Variants in CD86 observed in about 807,000 individuals in gnomAD.
CD86 encodes CD86 molecule, also known as T-lymphocyte activation antigen CD86.
CD86 carries 11 observed loss-of-function variants against 32.1 expected under a neutral mutation model. The observed-to-expected ratio is 0.34, with a 90% CI of 0.22 to 0.57. The LOEUF is 0.57. Among genes scored for constraint, CD86 ranks in the 20% least tolerant of loss-of-function variants. The pLI, the probability that CD86 is intolerant of heterozygous loss-of-function variation, is 0.86. For missense variants in CD86, 359 were observed against 398.4 expected (o/e 0.90, Z 0.84); for synonymous variants, 137 against 135.3 (o/e 1.01, Z -0.09).
intron 1 of CD86, among the ~76,000 whole-genome samples, chr3:122,056,485 C>T (rs2072238919): frequency 1.3e-5 from 2 of 152,160 alleles, no homozygotes; most frequent in Admixed American, 6.5e-5. Context: ...CAGGCGCCCA[C>T]CACCACGCCC....
At chr3:122,072,408 T>A (rs897472820) in intron 1 of CD86, among the ~76,000 whole-genome samples, 3 of 152,006 alleles carry the variant, frequency 2.0e-5, no homozygotes, top group African/African-American at 7.3e-5. Flanking sequence ...CCTGACTTTT[T>A]AATGATTGCC....
intron 2 of CD86, among the ~76,000 whole-genome samples, chr3:122,098,367 C>T (rs527520024): frequency 2.6e-5 from 4 of 152,228 alleles, no homozygotes; most frequent in African/African-American, 9.6e-5. Context: ...ACAGAGGGAA[C>T]AACATGAGAA....
chr3:122,108,894 A>C (rs1213093593), intron 4 of CD86, among the ~76,000 whole-genome samples: 1 of 152,176 alleles, frequency 6.6e-6, no homozygotes. Flanking sequence ...CTGACTGCAG[A>C]GGGGGGCAGG....
At chr3:122,105,330 G>C (rs1442662659) in intron 3 of CD86, among the ~76,000 whole-genome samples, 1 of 152,222 alleles carries the variant, frequency 6.6e-6, no homozygotes, top group East Asian at 1.9e-4. Context: ...ACTCCAAGAA[G>C]ACTGCTCAAA....
chr3:122,090,571 C>T (rs2072799813), intron 1 of CD86, among the ~76,000 whole-genome samples: 1 of 152,116 alleles, frequency 6.6e-6, no homozygotes, highest in African/African-American at 2.4e-5. Flanking sequence ...GTATCATATT[C>T]CTGTATTTGG....
intron 1 of CD86, among the ~76,000 whole-genome samples, chr3:122,086,059 C>T (rs1383833649): frequency 6.6e-6 from 1 of 152,032 alleles, no homozygotes; most frequent in Admixed American, 6.6e-5. Context: ...CCACACTGGC[C>T]CTGGAGCCTG....
intron 1 of CD86, among the ~76,000 whole-genome samples, chr3:122,062,845 T>C (rs1420271850): frequency 6.6e-6 from 1 of 152,228 alleles, no homozygotes; most frequent in Non-Finnish European, 1.5e-5. Context: ...AGGACTCACA[T>C]TCTTTGCTTT....
At chr3:122,104,456 A>AT (rs903928374) in intron 3 of CD86, among the ~76,000 whole-genome samples, 3 of 152,248 alleles carry the variant, frequency 2.0e-5, no homozygotes, top group East Asian at 1.9e-4. Flanking sequence ...GCCACTACAG[A>AT]TTTTTTTAAA....
intron 3 of CD86, among the ~76,000 whole-genome samples, chr3:122,105,712 C>T (rs912819314): frequency 3.9e-5 from 6 of 152,094 alleles, no homozygotes; most frequent in African/African-American, 1.4e-4. Flanking sequence ...ACTCACTTAC[C>T]ACAATCCTGC....
intron 1 of CD86, among the ~76,000 whole-genome samples, chr3:122,072,787 A>G (rs993108077): frequency 4.9e-4 from 75 of 152,062 alleles, no homozygotes; most frequent in Non-Finnish European, 5.0e-4. Flanking sequence ...TTGGTGTTTT[A>G]GACATGAAGT....
intron 1 of CD86, among the ~76,000 whole-genome samples, chr3:122,075,365 T>C (rs915876295): frequency 6.6e-6 from 1 of 152,130 alleles, no homozygotes; most frequent in African/African-American, 2.4e-5. Flanking sequence ...ATTTACAAAA[T>C]CAGCTTTCAG....
chr3:122,057,199 C>T (rs1343655946), intron 1 of CD86, among the ~76,000 whole-genome samples: 2 of 152,140 alleles, frequency 1.3e-5, no homozygotes, highest in African/African-American at 2.4e-5. Flanking sequence ...TGATACATAT[C>T]AAAAGCCTTT....
chr3:122,105,050 G>C (rs1056574530), intron 3 of CD86, among the ~76,000 whole-genome samples: 1 of 152,180 alleles, frequency 6.6e-6, no homozygotes, highest in Admixed American at 6.5e-5. Context: ...AAATAGAATG[G>C]AGAGCTGCTC....
rs183330463 is a variant in CD86, at chr3:122,105,786, A to G, written c.401-412A>G. ...CCATGAACTCTGTCAGTTCCTGGTG[A>G]GACTCCAGCTCAATTCCTTCCTGCT... On this transcript the variant is annotated intron_variant, in intron 3 of 6. Coordinates refer to ENST00000330540, the MANE Select transcript of CD86 (RefSeq NM_175862.5). 5.3e-5 allele frequency among the ~76,000 whole-genome samples: 8 copies of G among 152,162 alleles called. No homozygotes were observed. The East Asian group carries it at 5.8e-4, about 11-fold the overall frequency.
intron 2 of CD86, among the ~76,000 whole-genome samples, chr3:122,094,635 G>A (rs1412479839): frequency 6.6e-6 from 1 of 152,138 alleles, no homozygotes. Flanking sequence ...GATGCAATTG[G>A]CCCACATAAT....
At chr3:122,083,647 A>G (rs1401724797) in intron 1 of CD86, among the ~76,000 whole-genome samples, 2 of 152,282 alleles carry the variant, frequency 1.3e-5, no homozygotes, top group African/African-American at 2.4e-5. Flanking sequence ...CATGCCATCA[A>G]TTGATATCAC....
In CD86 at chr3:122,103,765, C is replaced by G. The variant is rs1259699017; in HGVS notation, c.318C>G (p.Gly106=). 21 of 1,613,990 alleles carry G rather than the reference C, an allele frequency of 1.3e-5. No homozygotes were observed. The highest frequency in any genetic ancestry group is 1.8e-5 in the Non-Finnish European group (21 of 1,179,872). Residue 106 remains glycine (G), a synonymous_variant, in exon 3 of 7, where the codon GGC becomes GGG. Transcript: ENST00000330540. ...ACAATCTTCAGATCAAGGACAAGGG[C>G]TTGTATCAATGTATCATCCATCACA... is the stretch of plus-strand genomic sequence containing the variant. ...RLHNLQIKDK[G]LYQCIIHHKK... is the part of the protein sequence containing the mutation.
intron 5 of CD86, among the ~76,000 whole-genome samples, chr3:122,110,277 A>G (rs184205101): frequency 3.3e-5 from 5 of 152,306 alleles, no homozygotes; most frequent in Admixed American, 3.3e-4. Flanking sequence ...TTGTTATTAT[A>G]AACACCCTCC....
chr3:122,098,499 G>A (rs1299033533), intron 2 of CD86, among the ~76,000 whole-genome samples: 1 of 152,162 alleles, frequency 6.6e-6, no homozygotes, highest in Non-Finnish European at 1.5e-5. Context: ...ATGAGGTCTT[G>A]TAAGGCCAGG....
Sources: gnomAD v4.1 joint callset for allele counts (sites outside exome capture counted in the v4.1 genomes callset) on GRCh38, gnomAD v4.1.1 for gene constraint, MANE v1.5 for transcripts, NCBI Gene and HGNC (gene_info 2026-07-23, HGNC 2026-07-21) for gene names.